RYR3: variants seen among roughly 807,000 people sequenced by gnomAD.
RYR3 encodes ryanodine receptor 3, also known as brain ryanodine receptor-calcium release channel.
In RYR3, 207 loss-of-function variants were observed where a neutral mutation model predicts 584.3. That is an observed-to-expected ratio of 0.35 (90% confidence interval 0.32 to 0.40). The LOEUF (loss-of-function observed/expected upper bound fraction) is 0.40. Ranked by LOEUF, RYR3 falls within the 10% of genes least tolerant of loss-of-function variation. The pLI is 1.00. For missense variants in RYR3, 5,616 were observed against 6,089.2 expected (o/e 0.92, Z 2.59); for synonymous variants, 2,416 against 2,248.5 (o/e 1.07, Z -2.11).
At chr15:33,572,752 A>G (rs1175812716) in intron 12 of RYR3, among the ~76,000 whole-genome samples, 1 of 151,470 alleles carries the variant, frequency 6.6e-6, no homozygotes, top group Non-Finnish European at 1.5e-5. Context: ...AGGTGGGCGA[A>G]TCACCTGAGG....
At chr15:33,466,321 T>C (rs1388493081) in intron 1 of RYR3, among the ~76,000 whole-genome samples, 3 of 152,094 alleles carry the variant, frequency 2.0e-5, no homozygotes, top group African/African-American at 7.2e-5. Flanking sequence ...AACAAAATAG[T>C]ATCCTACAAG....
At chr15:33,727,434 G>A (rs572346696) in intron 46 of RYR3, among the ~76,000 whole-genome samples, 2 of 152,274 alleles carry the variant, frequency 1.3e-5, no homozygotes, top group East Asian at 3.9e-4. Flanking sequence ...GGTCAAATAA[G>A]TTTAGGAAAT....
chr15:33,789,624 T>TTTTA (rs1258454158), intron 67 of RYR3, among the ~76,000 whole-genome samples: 4 of 11,694 alleles, frequency 3.4e-4, no homozygotes, highest in African/African-American at 4.3e-4. Context: ...AGGTTTTATT[T>TTTTA]TATATATATA....
At chr15:33,377,215 G>T (rs1488219567) in intron 1 of RYR3, among the ~76,000 whole-genome samples, 1 of 152,188 alleles carries the variant, frequency 6.6e-6, no homozygotes, top group Non-Finnish European at 1.5e-5. Context: ...TGAAATCTCA[G>T]TGTCTTAACC....
At chr15:33,511,717 T>A (rs948473297) in intron 3 of RYR3, among the ~76,000 whole-genome samples, 1 of 152,202 alleles carries the variant, frequency 6.6e-6, no homozygotes, top group Non-Finnish European at 1.5e-5. Flanking sequence ...GCTCTCCAAT[T>A]AGAATGACTT....
chr15:33,819,270 G>A (rs1189228217), intron 76 of RYR3, among the ~76,000 whole-genome samples: 1 of 152,214 alleles, frequency 6.6e-6, no homozygotes, highest in East Asian at 1.9e-4. Flanking sequence ...CACATTTTCA[G>A]AGTGGTTTCT....
intron 24 of RYR3, among the ~76,000 whole-genome samples, chr15:33,633,856 C>T (rs1166082567): frequency 3.3e-5 from 5 of 152,150 alleles, no homozygotes; most frequent in Non-Finnish European, 7.3e-5. Flanking sequence ...GCTCTGCCAC[C>T]TTTTCCGATG....
At chr15:33,373,729 T>C (rs1241410781) in intron 1 of RYR3, among the ~76,000 whole-genome samples, 1 of 152,222 alleles carries the variant, frequency 6.6e-6, no homozygotes, top group Non-Finnish European at 1.5e-5. Context: ...ATCACAATGC[T>C]TAGTTCTGCT....
At position 33,549,890 on chromosome 15, in the gene RYR3, A is replaced by G. The variant is rs76843396; in HGVS notation, c.816-270A>G. On this transcript the variant is annotated intron_variant, in intron 9 of 103. Coordinates refer to ENST00000634891, the MANE Select transcript of RYR3 (RefSeq NM_001036.6). ...CAAGAACTTTCAGTGGAGTAAAGGA[A>G]AAATTGGAAACCTGGGACTTCCAGT... 6.5e-3 allele frequency among the ~76,000 whole-genome samples: 995 copies of G among 152,290 alleles called. 9 individuals are homozygous for G. The highest frequency in any genetic ancestry group is 0.018 in the African/African-American group (760 of 41,562).
intron 86 of RYR3, among the ~76,000 whole-genome samples, chr15:33,834,403 A>T (rs1372403859): frequency 6.6e-6 from 1 of 152,142 alleles, no homozygotes; most frequent in African/African-American, 2.4e-5. Flanking sequence ...AGATGCTATT[A>T]TATATGAAGT....
At chr15:33,371,339 G>A (rs540991320) in intron 1 of RYR3, among the ~76,000 whole-genome samples, 1 of 152,182 alleles carries the variant, frequency 6.6e-6, no homozygotes, top group African/African-American at 2.4e-5. Context: ...AACCAATGCG[G>A]TTGCCATGGT....
At chr15:33,813,604 G>GCTTA in intron 74 of RYR3, 25 bp downstream of exon 74, 1 of 1,576,020 alleles carries the variant, frequency 6.3e-7, no homozygotes, top group Non-Finnish European at 8.7e-7. Flanking sequence ...TTTTTTCCTG[G>GCTTA]CATGTAAGCC....
chr15:33,831,396 CTT>C (rs2077666368), intron 86 of RYR3, among the ~76,000 whole-genome samples: 1 of 152,032 alleles, frequency 6.6e-6, no homozygotes, highest in Non-Finnish European at 1.5e-5. Context: ...ACTCAAAACT[CTT>C]TATATCTAGA....
chr15:33,850,914 C>T (rs1230699512), intron 94 of RYR3: 1 of 152,062 alleles, frequency 6.6e-6, no homozygotes, highest in East Asian at 1.9e-4. Context: ...CATTCTCCTG[C>T]CTTATAGTTT....
intron 31 of RYR3, among the ~76,000 whole-genome samples, chr15:33,650,028 T>C (rs1192689981): frequency 6.6e-6 from 1 of 152,198 alleles, no homozygotes; most frequent in African/African-American, 2.4e-5. Flanking sequence ...CACCAAAGAC[T>C]AGTAGCCAGA....
chr15:33,647,692 A>G (rs1369786665), intron 30 of RYR3, among the ~76,000 whole-genome samples: 4 of 152,188 alleles, frequency 2.6e-5, no homozygotes, highest in African/African-American at 9.7e-5. Context: ...ACTGGGCATC[A>G]TTGGATACTT....
At chr15:33,467,839 C>T (rs2048608471) in intron 1 of RYR3, among the ~76,000 whole-genome samples, 1 of 152,112 alleles carries the variant, frequency 6.6e-6, no homozygotes, top group African/African-American at 2.4e-5. Context: ...ATAGAGAAAT[C>T]TTGTTGTATT....
At chr15:33,753,104 T>A (rs144600185) in intron 57 of RYR3, among the ~76,000 whole-genome samples, 1,917 of 152,310 alleles carry the variant, frequency 0.013, 50 homozygotes, top group African/African-American at 0.044. Context: ...TCCTCCCTTA[T>A]CTTTGACAGT....
intron 69 of RYR3, among the ~76,000 whole-genome samples, chr15:33,803,636 C>T (rs938928378): frequency 3.9e-5 from 6 of 152,166 alleles, no homozygotes; most frequent in African/African-American, 1.4e-4. Flanking sequence ...CTGCCTCAGC[C>T]TCCCAAAAGC....
Sources: gnomAD v4.1 joint callset for allele counts (sites outside exome capture counted in the v4.1 genomes callset) on GRCh38, gnomAD v4.1.1 for gene constraint, MANE v1.5 for transcripts, NCBI Gene and HGNC (gene_info 2026-07-23, HGNC 2026-07-21) for gene names.